Variants in SAFB observed in about 807,000 individuals in gnomAD.
The protein encoded by SAFB is scaffold attachment factor B1.
Under a neutral mutation model 101.6 loss-of-function variants are expected in SAFB, and 15 were observed. The observed-to-expected ratio is 0.15, with a 90% CI of 0.10 to 0.23. The LOEUF is 0.23. SAFB is among the 10% of genes least tolerant of loss of function. The probability of loss-of-function intolerance (pLI) is 1.00; values close to 1 mark genes in which losing one functional copy is unlikely to be tolerated. For synonymous variants in SAFB, 449 were observed against 407.5 expected (o/e 1.10, Z -1.23); for missense variants, 930 against 1,104.1 (o/e 0.84, Z 2.23).
chr19:5,634,501 A>G (rs1349963251), intron 2 of SAFB, among the ~76,000 whole-genome samples: 3 of 152,098 alleles, frequency 2.0e-5, no homozygotes, highest in Non-Finnish European at 2.9e-5. Flanking sequence ...TAGTAATAAG[A>G]AAGACCTGAA....
chr19:5,659,695 G>GAA lies in SAFB; in HGVS notation c.1863-1810_1863-1809dup, dbSNP rs796338709. Among the ~76,000 whole-genome samples the GAA allele has an allele frequency of 4.2e-3, 533 of 126,670 alleles. 7 individuals are homozygous for GAA. The highest frequency in any genetic ancestry group is 0.014 in the African/African-American group (508 of 36,332). The allele number at this position is 126,670 out of a possible 152,430, so 83.1% of individuals were successfully genotyped here. ...TGCGCCCAGCCTATTCCTTTAAAAA[G>GAA]AAAAAAAAAAAAAACAAAGTCTCCC... On this transcript the variant is annotated intron_variant, in intron 14 of 20. Transcript: ENST00000588852.
intron 5 of SAFB, among the ~76,000 whole-genome samples, chr19:5,647,300 A>G (rs1317299048): frequency 6.6e-6 from 1 of 152,102 alleles, no homozygotes; most frequent in Non-Finnish European, 1.5e-5. Context: ...CCTGTCAGGG[A>G]GGGAGGTGGC....
At position 5,641,639 on chromosome 19, in the gene SAFB, A is replaced by G. The variant is rs1272669107; in HGVS notation, c.320A>G (p.Glu107Gly). ...EEGVEDNGLE[E>G]NSGDGQEDVE... ...GGTGTGGAAGATAACGGGCTGGAGG[A>G]AAACTCTGGGGATGGACAGGTATGT... Residue 107 changes from glutamate (E) to glycine (G), a missense_variant, in exon 3 of 21, where the codon GAA becomes GGA. Around this residue, in one of 7 missense-constraint regions of SAFB, gnomAD observed 119 missense variants for 171.4 expected, o/e 0.69. Transcript: ENST00000588852. The G allele has an allele frequency of 1.2e-6, 2 of 1,614,108 alleles. No homozygotes were observed. The highest frequency in any genetic ancestry group is 1.7e-5 in the Admixed American group (1 of 60,006).
intron 2 of SAFB, among the ~76,000 whole-genome samples, chr19:5,631,873 C>T (rs2053498416): frequency 6.6e-6 from 1 of 152,014 alleles, no homozygotes; most frequent in Non-Finnish European, 1.5e-5. Flanking sequence ...TAGTGAGACC[C>T]CATCTCTCCA....
chr19:5,665,761 T>C (rs2054314329), intron 17 of SAFB: 1 of 152,228 alleles, frequency 6.6e-6, no homozygotes, highest in Non-Finnish European at 1.5e-5. Context: ...TGGTAACATC[T>C]CCCTACAGAG....
intron 4 of SAFB, among the ~76,000 whole-genome samples, chr19:5,643,295 G>A (rs2053761280): frequency 6.6e-6 from 1 of 152,152 alleles, no homozygotes; most frequent in South Asian, 2.1e-4. Flanking sequence ...GTCTTCCGCA[G>A]TGAGTGCTTC....
Position 5,625,603 on chromosome 19 carries a change from C to G in SAFB, c.190-802C>G, listed in dbSNP as rs112657604. Among the ~76,000 whole-genome samples, 47 of 152,304 alleles carry G rather than the reference C, an allele frequency of 3.1e-4. 2 individuals are homozygous for G. The highest frequency in any genetic ancestry group is 3.4e-3 in the Middle Eastern group (1 of 294). ...GGAAAAGTTATCAGTAAAACTTGAC[C>G]TGAAGCTAAGTTTCTAGGGACGTCA... On this transcript the variant is annotated intron_variant, in intron 1 of 20. Transcript: ENST00000588852.
intron 5 of SAFB, among the ~76,000 whole-genome samples, chr19:5,645,813 G>C (rs1280031167): frequency 1.3e-5 from 2 of 152,206 alleles, no homozygotes; most frequent in African/African-American, 4.8e-5. Flanking sequence ...AGGGTTGACA[G>C]AGCCCTGTTG....
Position 5,640,990 on chromosome 19 carries a change from C to T in SAFB, c.275-604C>T, listed in dbSNP as rs192101587. ...TGTTGCCCAGGCTGGAGTGCAGTGG[C>T]GCAGTCTCGGCTCAGTGCAACCTCC... On this transcript the variant is annotated intron_variant, in intron 2 of 20. Coordinates refer to ENST00000588852, the MANE Select transcript of SAFB (RefSeq NM_001201338.2). 4.4e-3 allele frequency among the ~76,000 whole-genome samples: 650 copies of T among 149,332 alleles called. 5 individuals are homozygous for T. Among genetic ancestry groups the T allele is most frequent in the Non-Finnish European group, 7.0e-3 (473 of 67,568 alleles).
intron 5 of SAFB, among the ~76,000 whole-genome samples, chr19:5,646,459 T>TG (rs2053830674): frequency 6.6e-6 from 1 of 152,230 alleles, no homozygotes; most frequent in Non-Finnish European, 1.5e-5. Flanking sequence ...GGCTCTTTCT[T>TG]GGTCACAGTC....
intron 13 of SAFB, among the ~76,000 whole-genome samples, chr19:5,654,915 T>G (rs1211724244): frequency 6.6e-6 from 1 of 152,242 alleles, no homozygotes; most frequent in Non-Finnish European, 1.5e-5. Flanking sequence ...TCCTTACTTT[T>G]GCTCTGATAA....
chr19:5,654,972 C>CTGT (rs1390484773), intron 13 of SAFB, among the ~76,000 whole-genome samples: 1 of 152,228 alleles, frequency 6.6e-6, no homozygotes, highest in Non-Finnish European at 1.5e-5. Context: ...ACATATGGGA[C>CTGT]TGTTGGCTTT....
Position 5,667,983 on chromosome 19 carries a change from T to TC in SAFB, c.2624+103dup. ...ACCAAGTCCTTCCAGCTAGTGCCCC[T>TC]CCCCCCAAGGGTGACGTGAGGCCAG... On this transcript the variant is annotated intron_variant, in intron 20 of 20. Transcript: ENST00000588852. The surrounding 1 kb of genome is among the most constrained non-coding windows in gnomAD (Gnocchi z 4.0). 6.3e-6 allele frequency: 9 copies of TC among 1,428,732 alleles called. No individual in the cohort carries two copies. The South Asian group carries it at 9.2e-5, about 15-fold the overall frequency. 88.5% of individuals were successfully genotyped at this position (1,428,732 alleles called of 1,614,324 possible).
chr19:5,653,497 C>T (rs1004281368), intron 11 of SAFB, 77 bp downstream of exon 11: 22 of 1,294,746 alleles, frequency 1.7e-5, no homozygotes, highest in African/African-American at 7.4e-5. Flanking sequence ...GATGGAGTCG[C>T]GCTCTGTCGC....
Position 5,641,883 on chromosome 19 carries a change from G to C in SAFB, c.483G>C (p.Ser161=). 1 of 1,614,168 alleles carries C rather than the reference G, an allele frequency of 6.2e-7. No homozygotes were observed. The change falls in exon 4 of 21, where the codon TCG becomes TCC. Residue 161 remains serine (S), a synonymous_variant. Transcript: ENST00000588852. ...CTGATAACCTCCAGGAGTCCCTGTC[G>C]GATAGTAGAGAGCTAGTCGAGGGGG... The part of the protein sequence containing the change: ...DDADNLQESL[S]DSRELVEGEM...
chr19:5,662,235 C>T (rs1307916494), intron 15 of SAFB, among the ~76,000 whole-genome samples: 2 of 152,148 alleles, frequency 1.3e-5, no homozygotes, highest in African/African-American at 4.8e-5. Context: ...CGCTAGTTCA[C>T]GCCTGTAATC....
rs183199271 is a variant in SAFB, at chr19:5,644,263, C to G, written c.547-1074C>G. ...ACTAGGCAGCTCCAACAAAGTGTTT[C>G]CCAGCCTAGTTCAATGCCTAGCATC... On this transcript the variant is annotated intron_variant, in intron 4 of 20. Transcript: ENST00000588852. Among the ~76,000 whole-genome samples, 4 of 152,266 alleles carry G rather than the reference C, an allele frequency of 2.6e-5. No homozygotes were observed. In the East Asian group the frequency reaches 7.7e-4, roughly 29 times the overall value.
chr19:5,667,970 C>T lies in SAFB; in HGVS notation c.2624+84C>T. 5 of 1,457,474 alleles carry T rather than the reference C, an allele frequency of 3.4e-6. No individual in the cohort carries two copies. Among genetic ancestry groups the T allele is most frequent in the Non-Finnish European group, 4.7e-6 (5 of 1,073,920 alleles). The allele number at this position is 1,457,474 out of a possible 1,614,324, so 90.3% of individuals were successfully genotyped here. On this transcript the variant is annotated intron_variant, in intron 20 of 20. Transcript: ENST00000588852. The surrounding 1 kb of genome is among the most constrained non-coding windows in gnomAD (Gnocchi z 4.0). ...TGGAGGCTTAACAACCAAGTCCTTC[C>T]AGCTAGTGCCCCTCCCCCCAAGGGT...
rs1184824716 is a variant in SAFB, at chr19:5,649,415, G to A, written c.1064G>A (p.Arg355Lys). 2 of 464,910 alleles carry A rather than the reference G, an allele frequency of 4.3e-6. No individual in the cohort carries two copies. The highest frequency in any genetic ancestry group is 6.9e-5 in the East Asian group (2 of 29,144). 28.8% of individuals were successfully genotyped at this position (464,910 alleles called of 1,614,324 possible). ...GCCAGAGATAGCAAAGAAGACGGGA[G>A]GAAGTTTGATTTTGACGCTTGTAAT... is the stretch of plus-strand genomic sequence containing the variant. ...PEARDSKEDG[R>K]KFDFDACNEV... Residue 355 changes from arginine (R) to lysine (K), a missense_variant, in exon 7 of 21, where the codon AGG becomes AAG. Physicochemically the swap from Arg to Lys is conservative, Grantham distance 26. Transcript: ENST00000588852.
Sources: gnomAD v4.1 joint callset for allele counts (sites outside exome capture counted in the v4.1 genomes callset) on GRCh38, gnomAD v4.1.1 for gene constraint, gnomAD v4.1.1 regional missense constraint, Gnocchi (gnomAD v3.1) non-coding constraint, MANE v1.5 for transcripts, NCBI Gene and HGNC (gene_info 2026-07-23, HGNC 2026-07-21) for gene names.